The following SYT14 variants were observed in gnomAD, a reference collection of about 807,000 sequenced individuals.
SYT14 encodes synaptotagmin-14.
In SYT14, 32 loss-of-function variants were observed where a neutral mutation model predicts 74.2. That is an observed-to-expected ratio of 0.43 (90% CI 0.33 to 0.58). The LOEUF is 0.58. Ranked by LOEUF, SYT14 falls within the 20% of genes least tolerant of loss-of-function variation. The probability of loss-of-function intolerance (pLI) is 0.05; values close to 1 mark genes in which losing one functional copy is unlikely to be tolerated. For synonymous variants in SYT14, 298 were observed against 337.7 expected (o/e 0.88, Z 1.29); for missense variants, 791 against 981.8 (o/e 0.81, Z 2.60).
chr1:210,143,315 G>T (rs2082958358), intron 7 of SYT14, among the ~76,000 whole-genome samples: 1 of 152,102 alleles, frequency 6.6e-6, no homozygotes, highest in African/African-American at 2.4e-5. Flanking sequence ...GAAAGAATCA[G>T]GGAAATAATT....
intron 7 of SYT14, among the ~76,000 whole-genome samples, chr1:210,141,377 T>C (rs1196677365): frequency 6.6e-6 from 1 of 152,224 alleles, no homozygotes; most frequent in African/African-American, 2.4e-5. Context: ...TTTCATATAT[T>C]GATCACAAAT....
intron 9 of SYT14, among the ~76,000 whole-genome samples, chr1:210,160,491 A>G (rs2083351628): frequency 1.3e-5 from 2 of 152,158 alleles, no homozygotes; most frequent in South Asian, 2.1e-4. Flanking sequence ...ACTATTACAT[A>G]GAAATAGTAA....
At chr1:209,965,432 T>C (rs1558096851) in intron 2 of SYT14, among the ~76,000 whole-genome samples, 1 of 152,234 alleles carries the variant, frequency 6.6e-6, no homozygotes, top group Non-Finnish European at 1.5e-5. Context: ...GATATATATG[T>C]ACCACGTTTT....
chr1:210,074,324 G>A (rs1307200762), intron 5 of SYT14, among the ~76,000 whole-genome samples: 1 of 152,180 alleles, frequency 6.6e-6, no homozygotes, highest in Non-Finnish European at 1.5e-5. Flanking sequence ...AATCATCAGA[G>A]ATGTAAATAA....
At chr1:210,165,998 A>T (rs931858941) in exon 10 of SYT14, 7 of 152,248 alleles carry the variant, frequency 4.6e-5, no homozygotes, top group Non-Finnish European at 1.0e-4. Context: ...TGGGGCCTAC[A>T]TTCTAAGGTA....
intron 7 of SYT14, among the ~76,000 whole-genome samples, chr1:210,132,349 C>T (rs561174299): frequency 2.6e-5 from 4 of 151,562 alleles, no homozygotes; most frequent in African/African-American, 9.7e-5. Flanking sequence ...ACGTGCCACT[C>T]CTCTGTGAGG....
At chr1:209,940,969 C>T (rs1179536112) in intron 1 of SYT14, among the ~76,000 whole-genome samples, 1 of 152,120 alleles carries the variant, frequency 6.6e-6, no homozygotes, top group Non-Finnish European at 1.5e-5. Context: ...TGGCACAGAG[C>T]GAGGCTGTAA....
intron 7 of SYT14, among the ~76,000 whole-genome samples, chr1:210,114,643 G>A (rs767583463): frequency 1.1e-4 from 16 of 151,134 alleles, no homozygotes; most frequent in Non-Finnish European, 2.1e-4. Flanking sequence ...GAGCCTAAAC[G>A]CTAACTGATA....
chr1:209,961,148 C>T (rs1469763180), intron 2 of SYT14, among the ~76,000 whole-genome samples: 1 of 152,144 alleles, frequency 6.6e-6, no homozygotes, highest in Non-Finnish European at 1.5e-5. Flanking sequence ...TCTTCCCCCT[C>T]AAGTGCATCG....
At chr1:210,094,961 T>C (rs576313243) in intron 6 of SYT14, among the ~76,000 whole-genome samples, 31 of 152,204 alleles carry the variant, frequency 2.0e-4, no homozygotes, top group Non-Finnish European at 5.9e-5. Context: ...GGTTACTCAA[T>C]GTTTCACAAG....
intron 5 of SYT14, among the ~76,000 whole-genome samples, chr1:210,081,167 A>T (rs2081608636): frequency 6.6e-6 from 1 of 152,184 alleles, no homozygotes; most frequent in South Asian, 2.1e-4. Flanking sequence ...GATGTCTGAG[A>T]CTTTTCTTAG....
At chr1:210,034,834 C>T (rs1050926226) in intron 5 of SYT14, among the ~76,000 whole-genome samples, 3 of 151,768 alleles carry the variant, frequency 2.0e-5, no homozygotes, top group African/African-American at 7.3e-5. Flanking sequence ...AGTAGTATTC[C>T]CTGGTATGTG....
Position 209,981,576 on chromosome 1 carries a change from G to A in SYT14, c.-486+28820G>A, listed in dbSNP as rs140232515. On this transcript the variant is annotated intron_variant, in intron 2 of 9. Transcript: ENST00000637265. ...GGCAGTCCTCCCACCTTAGCCTCCC[G>A]AGTAGCTGGGACTACAGGTGTGTGC... Among the ~76,000 whole-genome samples, 376 of 148,680 alleles carry A rather than the reference G, an allele frequency of 2.5e-3. 1 individual carries two copies. Among genetic ancestry groups the A allele is most frequent in the African/African-American group, 5.6e-3 (228 of 40,496 alleles).
rs139764864 is a variant in SYT14, at chr1:210,013,280, A to G, written c.-485-353A>G. ...GAGACAGGGTTTCACCATATTGGCC[A>G]GGCTCGTCTTGAGCTCTTGGCCTCA... On this transcript the variant is annotated intron_variant, in intron 2 of 9. Transcript: ENST00000637265. Among the ~76,000 whole-genome samples the G allele has an allele frequency of 1.3e-3, 195 of 152,130 alleles. 1 individual carries two copies. Among genetic ancestry groups the G allele is most frequent in the African/African-American group, 4.5e-3 (185 of 41,502 alleles).
At chr1:210,151,080 A>G (rs577956670) in intron 7 of SYT14, among the ~76,000 whole-genome samples, 1 of 152,296 alleles carries the variant, frequency 6.6e-6, no homozygotes, top group Admixed American at 6.5e-5. Context: ...CTAGGGCAGA[A>G]GACTCAGGGG....
intron 7 of SYT14, among the ~76,000 whole-genome samples, chr1:210,151,513 C>CTTT (rs1553289498): frequency 1.5e-5 from 2 of 131,306 alleles, no homozygotes; most frequent in African/African-American, 5.5e-5. Flanking sequence ...TGCCCCCCCC[C>CTTT]TTTTTTTTTT....
At chr1:210,103,308 T>C (rs1400603541) in intron 7 of SYT14, among the ~76,000 whole-genome samples, 1 of 152,022 alleles carries the variant, frequency 6.6e-6, no homozygotes, top group East Asian at 1.9e-4. Flanking sequence ...CCCAACACTT[T>C]GGGAGGCCGA....
At chr1:210,095,807 T>C (rs1328808588) in intron 6 of SYT14, among the ~76,000 whole-genome samples, 1 of 152,234 alleles carries the variant, frequency 6.6e-6, no homozygotes, top group Non-Finnish European at 1.5e-5. Flanking sequence ...AGTATTACAG[T>C]ATCTGACCGA....
intron 2 of SYT14, among the ~76,000 whole-genome samples, chr1:209,985,862 A>G (rs1259633443): frequency 6.6e-6 from 1 of 152,210 alleles, no homozygotes; most frequent in Non-Finnish European, 1.5e-5. Context: ...CAGCAGCCCA[A>G]GGTATACCTG....
Sources: gnomAD v4.1 joint callset for allele counts (sites outside exome capture counted in the v4.1 genomes callset) on GRCh38, gnomAD v4.1.1 for gene constraint, MANE v1.5 for transcripts, NCBI Gene and HGNC (gene_info 2026-07-23, HGNC 2026-07-21) for gene names.